DOCK9: variants seen among roughly 807,000 people sequenced by gnomAD.
DOCK9 encodes dedicator of cytokinesis protein 9.
A neutral mutation model predicts 263.3 loss-of-function variants in DOCK9; 89 were observed. That is an observed-to-expected ratio of 0.34 (90% CI 0.28 to 0.40). DOCK9 has a LOEUF of 0.40. Among genes scored for constraint, DOCK9 ranks in the 10% least tolerant of loss-of-function variants. The pLI is 1.00. For missense variants in DOCK9, 2,140 were observed against 2,603.4 expected (o/e 0.82, Z 3.87); for synonymous variants, 976 against 973.1 (o/e 1.00, Z -0.06).
intron 39 of DOCK9, among the ~76,000 whole-genome samples, chr13:98,836,111 G>A (rs1040890454): frequency 9.9e-5 from 15 of 152,082 alleles, no homozygotes; most frequent in Non-Finnish European, 2.2e-4. Context: ...GTTCAGTAAG[G>A]AAACCGTCAC....
Position 98,845,971 on chromosome 13 carries a change from C to T in DOCK9, c.4151G>A (p.Arg1384Lys). ...SRNRTGMMHA[R>K]LQQLGSLDNS... ...ATCCAGGCTGCCCAGCTGCTGCAAT[C>T]TGGCATGCATCATTCCTGTTCTGTT... Residue 1384 changes from arginine (R) to lysine (K), a missense_variant, in exon 38 of 53, where the codon AGA (arginine) becomes AAA (lysine). By Grantham distance (26) the Arg-to-Lys change is conservative (BLOSUM62 2). Coordinates refer to ENST00000682017, the MANE Select transcript of DOCK9 (RefSeq NM_001366683.2). 1 of 1,613,226 alleles carries T rather than the reference C, an allele frequency of 6.2e-7. No homozygotes were observed. The highest frequency in any genetic ancestry group is 1.1e-5 in the South Asian group (1 of 90,726).
At chr13:98,834,808 T>C (rs1171233901) in intron 39 of DOCK9, among the ~76,000 whole-genome samples, 1 of 152,242 alleles carries the variant, frequency 6.6e-6, no homozygotes, top group East Asian at 1.9e-4. Flanking sequence ...GGTAATTTTC[T>C]TCTTCTGTCT....
chr13:98,968,943 C>A (rs1293265059), intron 1 of DOCK9, among the ~76,000 whole-genome samples: 1 of 152,104 alleles, frequency 6.6e-6, no homozygotes, highest in East Asian at 1.9e-4. Flanking sequence ...GGATCTCCAC[C>A]CTTTCCAGAT....
intron 1 of DOCK9, among the ~76,000 whole-genome samples, chr13:98,968,333 A>T (rs867809350): frequency 1.3e-5 from 2 of 152,184 alleles, no homozygotes; most frequent in African/African-American, 4.8e-5. Flanking sequence ...AGAAAATTTT[A>T]AATTTGACCA....
intron 1 of DOCK9, among the ~76,000 whole-genome samples, chr13:98,970,019 G>C (rs1369648056): frequency 2.0e-5 from 3 of 152,216 alleles, no homozygotes; most frequent in Non-Finnish European, 4.4e-5. Flanking sequence ...TTTTGAGACA[G>C]AGTTTCACTC....
At chr13:98,891,816 G>GT (rs11450748) in intron 15 of DOCK9, among the ~76,000 whole-genome samples, 128,728 of 147,156 alleles carry the variant, frequency 0.87, 56,746 homozygotes, top group East Asian at 0.98. Flanking sequence ...TTTAAAAGTT[G>GT]TTTTTTTTTT....
At chr13:99,068,942 T>C (rs74598881) in intron 1 of DOCK9, among the ~76,000 whole-genome samples, 4,765 of 152,290 alleles carry the variant, frequency 0.031, 171 homozygotes, top group African/African-American at 0.086. Context: ...AACAGCAATA[T>C]GTTAGAGTGA....
intron 1 of DOCK9, among the ~76,000 whole-genome samples, chr13:99,079,528 G>A (rs577888604): frequency 2.0e-5 from 3 of 152,308 alleles, no homozygotes; most frequent in African/African-American, 7.2e-5. Flanking sequence ...CATTTGCTAA[G>A]CACTCACTAT....
intron 39 of DOCK9, chr13:98,834,459 C>G (rs1313268060): frequency 1.3e-5 from 2 of 152,218 alleles, no homozygotes; most frequent in African/African-American, 4.8e-5. Context: ...CACAAGCTGC[C>G]TCGCAAGCCT....
intron 2 of DOCK9, among the ~76,000 whole-genome samples, chr13:98,934,237 T>C (rs2892933): frequency 0.64 from 97,834 of 151,910 alleles, 32,020 homozygotes; most frequent in Middle Eastern, 0.77. Flanking sequence ...TGGGAGCTTC[T>C]GTTACCTCCT....
intron 1 of DOCK9, among the ~76,000 whole-genome samples, chr13:99,057,684 C>T (rs1194208562): frequency 1.3e-5 from 2 of 152,182 alleles, no homozygotes; most frequent in Admixed American, 6.5e-5. Flanking sequence ...AGTGGAACAG[C>T]TTCAAAGCTG....
chr13:98,917,603 G>A (rs538318027), intron 7 of DOCK9, among the ~76,000 whole-genome samples: 9 of 150,130 alleles, frequency 6.0e-5, no homozygotes, highest in African/African-American at 2.2e-4. Context: ...AGTCTTGAAC[G>A]TGGGCCCAAA....
At chr13:98,939,368 C>T (rs939571794) in intron 2 of DOCK9, among the ~76,000 whole-genome samples, 1 of 152,146 alleles carries the variant, frequency 6.6e-6, no homozygotes, top group Non-Finnish European at 1.5e-5. Context: ...GGCCTCAGAC[C>T]CCATCAATTC....
intron 15 of DOCK9, among the ~76,000 whole-genome samples, chr13:98,895,114 C>G (rs1344482770): frequency 2.7e-5 from 4 of 147,054 alleles, no homozygotes; most frequent in Non-Finnish European, 6.0e-5. Context: ...CCACTGCACT[C>G]CAGCCTGGCG....
intron 14 of DOCK9, among the ~76,000 whole-genome samples, 194 bp from the exon 15 acceptor site, chr13:98,897,804 C>T (rs2047657840): frequency 6.6e-6 from 1 of 152,192 alleles, no homozygotes; most frequent in Non-Finnish European, 1.5e-5. Flanking sequence ...GAAAACAGTT[C>T]CAGCCAATGG....
intron 17 of DOCK9, 66 bp from the exon 18 acceptor site, chr13:98,888,289 A>G: frequency 6.2e-7 from 1 of 1,603,078 alleles, no homozygotes; most frequent in Non-Finnish European, 8.5e-7. Flanking sequence ...AGTATTTATA[A>G]AAGAACATGG....
chr13:99,071,664 G>A (rs1365097678), intron 1 of DOCK9, among the ~76,000 whole-genome samples: 1 of 152,006 alleles, frequency 6.6e-6, no homozygotes, highest in Non-Finnish European at 1.5e-5. Context: ...AGAGAAGCAG[G>A]AACACTAGGT....
At chr13:98,994,462 T>A (rs1436176621) in intron 1 of DOCK9, among the ~76,000 whole-genome samples, 1 of 152,186 alleles carries the variant, frequency 6.6e-6, no homozygotes, top group Non-Finnish European at 1.5e-5. Flanking sequence ...CAAAGAATTA[T>A]CCAGCCCAAA....
intron 45 of DOCK9, among the ~76,000 whole-genome samples, chr13:98,815,199 A>G (rs888848828): frequency 2.6e-5 from 4 of 152,006 alleles, no homozygotes; most frequent in East Asian, 3.9e-4. Flanking sequence ...TTTCTGGCCT[A>G]TCTTAGGTCA....
Sources: gnomAD v4.1 joint callset for allele counts (sites outside exome capture counted in the v4.1 genomes callset) on GRCh38, gnomAD v4.1.1 for gene constraint, MANE v1.5 for transcripts, NCBI Gene and HGNC (gene_info 2026-07-23, HGNC 2026-07-21) for gene names.